Variants in PCDHAC2 observed in about 807,000 individuals in gnomAD.
PCDHAC2 encodes the protein protocadherin alpha subfamily C, 2.
A neutral mutation model predicts 63.3 loss-of-function variants in PCDHAC2; 24 were observed. That is an observed-to-expected ratio of 0.38 (90% CI 0.27 to 0.53). The LOEUF is 0.53. Ranked by LOEUF, PCDHAC2 falls within the 20% of genes least tolerant of loss-of-function variation. The pLI is 0.81. For synonymous variants in PCDHAC2, 569 were observed against 529.4 expected (o/e 1.07, Z -1.03); for missense variants, 1,181 against 1,275.2 (o/e 0.93, Z 1.12).
chr5:140,967,636 T>G lies in PCDHAC2; in HGVS notation c.870T>G (p.Gly290=). The change falls in exon 1 of 4, where the codon GGT becomes GGG. Residue 290 remains glycine, a synonymous_variant. Coordinates refer to ENST00000289269, the MANE Select transcript of PCDHAC2 (RefSeq NM_018899.6). ...CAGACCCGGATGAGGGCTCCAATGG[T>G]GAGCTCAGGTACTCCTTGAGCAGCT... ...NASDPDEGSN[G]ELRYSLSSYT... is the part of the protein sequence containing the mutation. The G allele has an allele frequency of 1.2e-6, 2 of 1,614,138 alleles. No individual in the cohort carries two copies. Among genetic ancestry groups the G allele is most frequent in the Non-Finnish European group, 1.7e-6 (2 of 1,180,018 alleles).
In PCDHAC2 at chr5:141,002,410, T is replaced by C. The variant is rs1034024595; in HGVS notation, c.2714-7217T>C. 2.2e-4 allele frequency among the ~76,000 whole-genome samples: 33 copies of C among 152,326 alleles called. 1 individual carries two copies. The highest frequency in any genetic ancestry group is 7.5e-4 in the African/African-American group (31 of 41,578). On this transcript the variant is annotated intron_variant, in intron 3 of 3. Coordinates refer to ENST00000289269, the MANE Select transcript of PCDHAC2 (RefSeq NM_018899.6). The stretch of plus-strand genomic sequence containing the variant: ...TGCTGGCATCTCTGTGCCTCCCAAA[T>C]AGTAGTAACAAAACAGGCAATAACC...
intron 1 of PCDHAC2, among the ~76,000 whole-genome samples, chr5:140,973,301 A>C (rs1469183006): frequency 1.3e-5 from 2 of 152,034 alleles, no homozygotes; most frequent in Admixed American, 6.6e-5. Context: ...CTATCTGATG[A>C]CTCTATCCTG....
Position 140,966,589 on chromosome 5 carries a change from GGCCAGGA to G in PCDHAC2, c.-174_-168del, listed in dbSNP as rs1554228448. On this transcript the variant is annotated 5_prime_UTR_variant, in exon 1 of 4. It removes the in-frame stop codon of an upstream open reading frame in the 5' UTR. Coordinates refer to ENST00000289269, the MANE Select transcript of PCDHAC2 (RefSeq NM_018899.6). ...TATGGGGAGTCAGCGAGGACGGTGG[GGCCAGGA>G]GCCCTTGGGAGGGCCTACGGAGGGA... 2 of 580,716 alleles carry G rather than the reference GGCCAGGA, an allele frequency of 3.4e-6. No homozygotes were observed. Among genetic ancestry groups the G allele is most frequent in the Non-Finnish European group, 5.5e-6 (2 of 366,170 alleles). 36.0% of individuals were successfully genotyped at this position (580,716 alleles called of 1,614,324 possible). A position where few individuals can be genotyped will look rare whatever the true frequency, so the allele number is the denominator to read the frequency against.
At chr5:140,985,067 A>C (rs2153836144) in intron 3 of PCDHAC2, among the ~76,000 whole-genome samples, 1 of 152,116 alleles carries the variant, frequency 6.6e-6, no homozygotes, top group East Asian at 1.9e-4. Flanking sequence ...CCTCCTGAGT[A>C]GCTGAGACTA....
At chr5:140,986,530 G>C (rs1341824536) in intron 3 of PCDHAC2, among the ~76,000 whole-genome samples, 1 of 152,162 alleles carries the variant, frequency 6.6e-6, no homozygotes, top group African/African-American at 2.4e-5. Context: ...GAGGGAACTG[G>C]CCTGGCTTCA....
intron 1 of PCDHAC2, among the ~76,000 whole-genome samples, chr5:140,974,181 A>G (rs1361812242): frequency 3.9e-5 from 6 of 152,226 alleles, no homozygotes; most frequent in Non-Finnish European, 8.8e-5. Context: ...TAACTTGACA[A>G]ATGCAAAGGA....
rs1311209449 is a variant in PCDHAC2, at chr5:141,010,944, A to G, written c.*1007A>G. On this transcript the variant is annotated 3_prime_UTR_variant, in exon 4 of 4. Transcript: ENST00000289269. ...GAGAATTCAGTCTACAGCCATTTAA[A>G]TGATCATTGCTGCTACAGAAGTGCT... 6.5e-6 allele frequency: 1 copy of G among 153,776 alleles called. No individual in the cohort carries two copies. The highest frequency in any genetic ancestry group is 2.4e-5 in the African/African-American group (1 of 41,450). 9.5% of individuals were successfully genotyped at this position (153,776 alleles called of 1,614,324 possible).
chr5:140,969,289 G>C lies in PCDHAC2; in HGVS notation c.2523G>C (p.Gly841=). 6.2e-7 allele frequency: 1 copy of C among 1,614,208 alleles called. No individual in the cohort carries two copies. Among genetic ancestry groups the C allele is most frequent in the Non-Finnish European group, 8.5e-7 (1 of 1,180,042 alleles). The part of the protein sequence containing the change: ...NLTGQSGQNA[G]NLIILKNEAV... ...CAGGCCAAAGTGGTCAGAATGCTGG[G>C]AACCTGATTATTCTCAAAAATGAGG... is the stretch of plus-strand genomic sequence containing the variant. The change falls in exon 1 of 4, where the codon GGG becomes GGC. Residue 841 remains glycine (G), a synonymous_variant. Coordinates refer to ENST00000289269, the MANE Select transcript of PCDHAC2 (RefSeq NM_018899.6).
intron 3 of PCDHAC2, among the ~76,000 whole-genome samples, chr5:140,998,919 A>G (rs781864069): frequency 6.6e-6 from 1 of 152,248 alleles, no homozygotes; most frequent in Non-Finnish European, 1.5e-5. Flanking sequence ...TAGCTATTAT[A>G]TCCATTTTAC....
At position 140,968,651 on chromosome 5, in the gene PCDHAC2, GA is replaced by G; in HGVS notation, c.1886del (p.Asp629AlafsTer7). On this transcript the variant is annotated frameshift_variant, in exon 1 of 4. Coordinates refer to ENST00000289269, the MANE Select transcript of PCDHAC2 (RefSeq NM_018899.6). LOFTEE classifies it high-confidence loss of function. ...TTTTTACCATCTAGCCCAGACTTCT[GA>G]CCTGGACCTCTTTAAGGTAGAGCTG... ...WLFYHLAQTSDLDLFKVELHT... is the reference protein window; with the variant it reads ...WLFYHLAQTSXLDLFKVELHT... 6.2e-7 allele frequency: 1 copy of G among 1,614,154 alleles called. No individual in the cohort carries two copies. Among genetic ancestry groups the G allele is most frequent in the Non-Finnish European group, 8.5e-7 (1 of 1,180,034 alleles).
rs2096269643 is a variant in PCDHAC2 at position 140,968,774 on chromosome 5, C to T, written c.2008C>T (p.Leu670=). Residue 670 remains leucine (L), a synonymous_variant, in exon 1 of 4, where the codon CTA becomes TTA. Transcript: ENST00000289269. The part of the protein sequence containing the change: ...VVVRDNGEPS[L]SASVAITVAV... ...GGTCCGAGATAATGGAGAGCCATCA[C>T]TATCAGCCTCTGTGGCCATTACAGT... 6.2e-7 allele frequency: 1 copy of T among 1,614,088 alleles called. No individual in the cohort carries two copies.
Position 140,967,255 on chromosome 5 carries a change from T to C in PCDHAC2, c.489T>C (p.Pro163=), listed in dbSNP as rs202164321. ...YQLQVSESVA[P]GARFHIESAQ... is the part of the protein sequence containing the mutation. ...TTCAGGTAAGCGAATCGGTGGCGCC[T>C]GGAGCGCGCTTTCACATAGAGAGTG... Residue 163 remains proline, a synonymous_variant, in exon 1 of 4, where the codon CCT becomes CCC. Coordinates refer to ENST00000289269, the MANE Select transcript of PCDHAC2 (RefSeq NM_018899.6). The C allele has an allele frequency of 1.8e-4, 297 of 1,613,460 alleles. 1 individual carries two copies. The East Asian group carries it at 6.5e-3, about 35-fold the overall frequency.
intron 3 of PCDHAC2, among the ~76,000 whole-genome samples, chr5:140,997,683 T>C (rs782444752): frequency 6.6e-6 from 1 of 152,044 alleles, no homozygotes; most frequent in Non-Finnish European, 1.5e-5. Context: ...TGTGTGTGTG[T>C]GTGTGTGTGT....
In PCDHAC2 at chr5:141,010,279, A is replaced by T. The variant is rs2098416787; in HGVS notation, c.*342A>T. 2.6e-6 allele frequency: 4 copies of T among 1,551,490 alleles called. No homozygotes were observed. The highest frequency in any genetic ancestry group is 3.5e-6 in the Non-Finnish European group (4 of 1,146,936). ...CCTGTGCTCCGGGGATCCTGTCTTG[A>T]TGACACTTGCAGGGCAGGCTGAAAA... On this transcript the variant is annotated 3_prime_UTR_variant, in exon 4 of 4. Coordinates refer to ENST00000289269, the MANE Select transcript of PCDHAC2 (RefSeq NM_018899.6).
chr5:140,966,741 G>T lies in PCDHAC2; in HGVS notation c.-26G>T. Reference sequence around the variant, plus strand: ...GAAGCTGCCGCCTCCGGCCCTGCCCGGCTGCCTCCGCCGCGGCCAGTGGCT... The same window carrying T: ...GAAGCTGCCGCCTCCGGCCCTGCCCTGCTGCCTCCGCCGCGGCCAGTGGCT... On this transcript the variant is annotated 5_prime_UTR_variant, in exon 1 of 4. Transcript: ENST00000289269. 7.0e-7 allele frequency: 1 copy of T among 1,421,322 alleles called. No individual in the cohort carries two copies. Among genetic ancestry groups the T allele is most frequent in the Non-Finnish European group, 9.1e-7 (1 of 1,093,100 alleles). The allele number at this position is 1,421,322 out of a possible 1,614,324, so 88.0% of individuals were successfully genotyped here. A position where few individuals can be genotyped will look rare whatever the true frequency, so the allele number is the denominator to read the frequency against.
Position 140,968,877 on chromosome 5 carries a change from T to A in PCDHAC2, c.2111T>A (p.Ile704Asn). ...AAGAGCCCTCGGACATACTCTGAAA[T>A]TACCCTTTATCTAATAATAGCATTA... ...HVKSPRTYSEITLYLIIALST... is the reference protein window; with the variant it reads ...HVKSPRTYSENTLYLIIALST... The change falls in exon 1 of 4, where the codon ATT becomes AAT. Residue 704 changes from isoleucine to asparagine, a missense_variant. Around this residue, in one of 3 missense-constraint regions of PCDHAC2, gnomAD observed 968 missense variants for 1,073.5 expected, o/e 0.90. Transcript: ENST00000289269. 1 of 1,614,226 alleles carries A rather than the reference T, an allele frequency of 6.2e-7. No homozygotes were observed. Among genetic ancestry groups the A allele is most frequent in the South Asian group, 1.1e-5 (1 of 91,082 alleles).
chr5:140,982,666 T>G (rs2096995489), intron 3 of PCDHAC2, 103 bp downstream of exon 3: 4 of 1,467,448 alleles, frequency 2.7e-6, no homozygotes. Context: ...TTCTTTTATA[T>G]TTTTGTTATT....
At chr5:140,988,634 T>G (rs1405160822) in intron 3 of PCDHAC2, among the ~76,000 whole-genome samples, 1 of 152,218 alleles carries the variant, frequency 6.6e-6, no homozygotes, top group Non-Finnish European at 1.5e-5. Flanking sequence ...GTCCTGGTTT[T>G]CTGAAATTAA....
chr5:140,979,102 C>T (rs1263848262), intron 2 of PCDHAC2, 95 bp downstream of exon 2: 1 of 1,541,684 alleles, frequency 6.5e-7, no homozygotes, highest in Non-Finnish European at 8.7e-7. Flanking sequence ...GCTGTCAAAA[C>T]TAAAAAGCTT....
Sources: gnomAD v4.1 joint callset for allele counts (sites outside exome capture counted in the v4.1 genomes callset) on GRCh38, gnomAD v4.1.1 for gene constraint, gnomAD v4.1.1 regional missense constraint, MANE v1.5 for transcripts, NCBI Gene and HGNC (gene_info 2026-07-23, HGNC 2026-07-21) for gene names.